ANGPT4: variants seen among roughly 807,000 people sequenced by gnomAD.
The protein encoded by ANGPT4 is angiopoietin 4.
ANGPT4 carries 50 observed loss-of-function variants against 53.0 expected under a neutral mutation model. That is an observed-to-expected ratio of 0.94 (90% CI 0.75 to 1.20). The LOEUF (loss-of-function observed/expected upper bound fraction) is 1.20. ANGPT4 is among the 50% of genes most tolerant of loss of function. ANGPT4 has a pLI of 0.00. For missense variants in ANGPT4, 648 were observed against 637.1 expected (o/e 1.02, Z -0.18); for synonymous variants, 251 against 259.7 (o/e 0.97, Z 0.32).
At chr20:875,288 C>G (rs1282868822) in intron 7 of ANGPT4, among the ~76,000 whole-genome samples, 2 of 152,210 alleles carry the variant, frequency 1.3e-5, no homozygotes, top group African/African-American at 4.8e-5. Context: ...ACCCCAGCCC[C>G]ATCGCACCTC....
At chr20:912,080 A>G (rs910388) in intron 1 of ANGPT4, among the ~76,000 whole-genome samples, 76,475 of 151,846 alleles carry the variant, frequency 0.5, 20,221 homozygotes, top group African/African-American at 0.67. Context: ...GGTGGGCCAG[A>G]GAGGCTGGGG....
chr20:879,811 G>A lies in ANGPT4; in HGVS notation c.989C>T (p.Thr330Ile). The change falls in exon 6 of 9, where the codon ACC becomes ATC. Residue 330 changes from threonine (T) to isoleucine (I), a missense_variant. Physicochemically the swap from Thr to Ile is moderately conservative, Grantham distance 89. Transcript: ENST00000381922. ...GCCATTCTCACGGCGCTGGATGAGG[G>A]TCCACCTGCCTCCACTGCTCTGCAG... ...CDLQSSGGRW[T>I]LIQRRENGTV... 1 of 1,613,628 alleles carries A rather than the reference G, an allele frequency of 6.2e-7. No homozygotes were observed.
chr20:894,020 A>G (rs764350830), intron 1 of ANGPT4, among the ~76,000 whole-genome samples: 2 of 151,804 alleles, frequency 1.3e-5, no homozygotes, highest in Non-Finnish European at 2.9e-5. Context: ...AGCATGAAAT[A>G]GAGTGAAAAC....
At chr20:887,157 A>G (rs1568835429) in intron 3 of ANGPT4, among the ~76,000 whole-genome samples, 1 of 152,212 alleles carries the variant, frequency 6.6e-6, no homozygotes, top group South Asian at 2.1e-4. Flanking sequence ...AGACTAAGAA[A>G]TTGAGTCCAG....
At chr20:897,512 G>A (rs1005408205) in intron 1 of ANGPT4, among the ~76,000 whole-genome samples, 1 of 152,170 alleles carries the variant, frequency 6.6e-6, no homozygotes, top group Non-Finnish European at 1.5e-5. Flanking sequence ...TGCAGCACCG[G>A]TCATGGACTC....
intron 7 of ANGPT4, 99 bp from the exon 8 acceptor site, chr20:874,513 C>G (rs577811426): frequency 6.6e-7 from 1 of 1,514,268 alleles, no homozygotes; most frequent in African/African-American, 1.4e-5. Flanking sequence ...CCAGGCTGGG[C>G]TTCCCCTCCA....
intron 5 of ANGPT4, 80 bp from the exon 6 acceptor site, chr20:879,928 A>G: frequency 1.0e-6 from 1 of 998,708 alleles, no homozygotes. Flanking sequence ...AAATGTGGCT[A>G]AGCAGACAGA....
intron 1 of ANGPT4, among the ~76,000 whole-genome samples, chr20:915,223 G>GC (rs1464069284): frequency 2.1e-5 from 3 of 141,412 alleles, no homozygotes; most frequent in African/African-American, 9.1e-5. Context: ...TCCTTCCAGT[G>GC]GCCCCCCCCC....
intron 4 of ANGPT4, 77 bp downstream of exon 4, chr20:885,001 C>T: frequency 1.3e-6 from 2 of 1,585,638 alleles, no homozygotes; most frequent in East Asian, 2.3e-5. Flanking sequence ...GCCCAGAGAC[C>T]CTGGAGGGTG....
intron 1 of ANGPT4, among the ~76,000 whole-genome samples, chr20:915,154 G>A (rs190438440): frequency 1.6e-4 from 25 of 152,152 alleles, no homozygotes; most frequent in Non-Finnish European, 3.4e-4. Context: ...AATCACGGGT[G>A]TCTGTCTCTG....
intron 1 of ANGPT4, among the ~76,000 whole-genome samples, chr20:910,318 G>C (rs781507190): frequency 2.0e-5 from 3 of 152,184 alleles, no homozygotes; most frequent in Non-Finnish European, 4.4e-5. Flanking sequence ...CACTAAATGA[G>C]TGCTTACTCA....
In ANGPT4 at chr20:883,460, G is replaced by T. The variant is rs547448889; in HGVS notation, c.835+1618C>A. Among the ~76,000 whole-genome samples the T allele has an allele frequency of 3.3e-5, 5 of 152,358 alleles. No homozygotes were observed. In the South Asian group the frequency reaches 1.0e-3, roughly 32 times the overall value. On this transcript the variant is annotated intron_variant, in intron 4 of 8. Transcript: ENST00000381922. Reference sequence around the variant, plus strand: ...CTCCACCTGACTGGGACAAAGCCATGCAGAGAGCTAGTGCTCCCTTCCTGC... The same window carrying T: ...CTCCACCTGACTGGGACAAAGCCATTCAGAGAGCTAGTGCTCCCTTCCTGC...
chr20:892,536 C>T (rs141206750), intron 1 of ANGPT4, among the ~76,000 whole-genome samples: 2,031 of 149,534 alleles, frequency 0.014, 36 homozygotes, highest in African/African-American at 0.035. Context: ...GTGGAGGTTG[C>T]GGTGAGCTGA....
chr20:898,305 T>C (rs568102903), intron 1 of ANGPT4, among the ~76,000 whole-genome samples: 16 of 152,336 alleles, frequency 1.1e-4, no homozygotes, highest in African/African-American at 3.8e-4. Context: ...AGTTTCGTTC[T>C]GCAACTAGCC....
chr20:893,537 G>A (rs930192137), intron 1 of ANGPT4, among the ~76,000 whole-genome samples: 3 of 152,164 alleles, frequency 2.0e-5, no homozygotes, highest in African/African-American at 7.2e-5. Flanking sequence ...CTGCCCCAGG[G>A]GCTGAGATCG....
At chr20:906,696 C>T (rs1411121814) in intron 1 of ANGPT4, among the ~76,000 whole-genome samples, 1 of 152,226 alleles carries the variant, frequency 6.6e-6, no homozygotes, top group Non-Finnish European at 1.5e-5. Flanking sequence ...GTCCCCTGGG[C>T]CTGCACCAGG....
intron 1 of ANGPT4, among the ~76,000 whole-genome samples, chr20:900,310 C>T (rs900585418): frequency 1.1e-4 from 17 of 152,174 alleles, no homozygotes; most frequent in Non-Finnish European, 1.6e-4. Flanking sequence ...AATTGAACCT[C>T]CTCCTCTAGG....
intron 8 of ANGPT4, among the ~76,000 whole-genome samples, chr20:873,628 C>T (rs1310525809): frequency 1.3e-5 from 2 of 151,972 alleles, no homozygotes; most frequent in Non-Finnish European, 2.9e-5. Flanking sequence ...CCCTCCCTTC[C>T]TCTGGGCCCC....
Position 873,217 on chromosome 20 carries a change from G to A in ANGPT4, c.1352-97C>T, listed in dbSNP as rs758554926. 1,133 of 1,336,874 alleles carry A rather than the reference G, an allele frequency of 8.5e-4. 19 individuals are homozygous for A. The highest frequency in any genetic ancestry group is 2.0e-4 in the Non-Finnish European group (193 of 979,956). 82.8% of individuals were successfully genotyped at this position (1,336,874 alleles called of 1,614,324 possible). A position where few individuals can be genotyped will look rare whatever the true frequency, so the allele number is the denominator to read the frequency against. On this transcript the variant is annotated intron_variant, in intron 8 of 8. Transcript: ENST00000381922. The stretch of plus-strand genomic sequence containing the variant: ...GTCCCAAAGAGAACAAAGACTAATC[G>A]GGGCTGTTGCCTCCTCTGGGAAGCC...
Sources: gnomAD v4.1 joint callset for allele counts (sites outside exome capture counted in the v4.1 genomes callset) on GRCh38, gnomAD v4.1.1 for gene constraint, MANE v1.5 for transcripts, NCBI Gene and HGNC (gene_info 2026-07-23, HGNC 2026-07-21) for gene names.